DPP10: variants seen among roughly 807,000 people sequenced by gnomAD.
DPP10 encodes dipeptidyl peptidase like 10, also known as inactive dipeptidyl peptidase 10.
A neutral mutation model predicts 120.9 loss-of-function variants in DPP10; 33 were observed. The ratio of observed to expected loss-of-function variants is 0.27; its 90% confidence interval spans 0.21 to 0.37. DPP10 has a LOEUF of 0.37. Ranked by LOEUF, DPP10 falls within the 10% of genes least tolerant of loss-of-function variation. The pLI is 1.00. For missense variants in DPP10, 816 were observed against 942.8 expected (o/e 0.87, Z 1.76); for synonymous variants, 337 against 326.1 (o/e 1.03, Z -0.36).
chr2:115,811,365 A>G (rs779237731), intron 19 of DPP10, among the ~76,000 whole-genome samples: 5 of 152,214 alleles, frequency 3.3e-5, no homozygotes, highest in Non-Finnish European at 5.9e-5. Context: ...AAAGAGTGAA[A>G]TTGTAGTTTT....
At chr2:115,645,364 A>G (rs1051807571) in intron 5 of DPP10, among the ~76,000 whole-genome samples, 8 of 152,146 alleles carry the variant, frequency 5.3e-5, no homozygotes, top group Admixed American at 2.0e-4. Flanking sequence ...ACATCCCTGC[A>G]TGACTATGAT....
At chr2:115,290,842 A>G (rs1247759878) in intron 1 of DPP10, among the ~76,000 whole-genome samples, 1 of 152,184 alleles carries the variant, frequency 6.6e-6, no homozygotes, top group Non-Finnish European at 1.5e-5. Flanking sequence ...TATTTGGCCA[A>G]CAAAGAATAT....
chr2:115,002,793 A>G (rs1000255261), intron 1 of DPP10, among the ~76,000 whole-genome samples: 1 of 152,156 alleles, frequency 6.6e-6, no homozygotes, highest in African/African-American at 2.4e-5. Context: ...CAGAAATGCA[A>G]ATCAATACGA....
rs181158489 is a variant in DPP10 at position 115,807,845 on chromosome 2, T to C, written c.1701-6948T>C. ...TATGTTTGGGTTTTTTTTAATTCTT[T>C]AAAAACACGAAAAATTCTGATTGAG... On this transcript the variant is annotated intron_variant, in intron 19 of 25. Transcript: ENST00000410059. Among the ~76,000 whole-genome samples, 607 of 152,088 alleles carry C rather than the reference T, an allele frequency of 4.0e-3. 2 individuals are homozygous for C. Among genetic ancestry groups the C allele is most frequent in the Non-Finnish European group, 6.4e-3 (435 of 67,998 alleles).
chr2:115,375,357 C>T (rs1047559177), intron 3 of DPP10, among the ~76,000 whole-genome samples: 4 of 152,184 alleles, frequency 2.6e-5, no homozygotes, highest in African/African-American at 9.6e-5. Context: ...GCTCCAGTAA[C>T]CAGTAAGTTC....
chr2:115,390,904 G>C (rs1053888254), intron 3 of DPP10, among the ~76,000 whole-genome samples: 7 of 152,032 alleles, frequency 4.6e-5, no homozygotes, highest in Non-Finnish European at 8.8e-5. Context: ...CATCCTCACC[G>C]TCATCTTGTA....
chr2:115,140,980 C>T (rs1015946678), intron 1 of DPP10, among the ~76,000 whole-genome samples: 1 of 147,620 alleles, frequency 6.8e-6, no homozygotes, highest in African/African-American at 2.5e-5. Flanking sequence ...GGTAAGATTA[C>T]CAGATAGGCC....
intron 7 of DPP10, among the ~76,000 whole-genome samples, chr2:115,705,845 C>T (rs1162590465): frequency 6.6e-6 from 1 of 151,786 alleles, no homozygotes; most frequent in African/African-American, 2.4e-5. Context: ...TGTAGTATTG[C>T]CCCATATCTA....
intron 1 of DPP10, among the ~76,000 whole-genome samples, chr2:114,875,476 T>C (rs1691077663): frequency 6.6e-6 from 1 of 152,182 alleles, no homozygotes; most frequent in Non-Finnish European, 1.5e-5. Context: ...TAAATCTTAC[T>C]CTGCCTCCTG....
intron 1 of DPP10, among the ~76,000 whole-genome samples, chr2:115,153,098 G>A (rs1454790843): frequency 6.6e-6 from 1 of 152,152 alleles, no homozygotes; most frequent in African/African-American, 2.4e-5. Flanking sequence ...GAGTAAGCAT[G>A]CTTGTTTTTT....
chr2:115,224,499 A>C (rs1227149936), intron 1 of DPP10, among the ~76,000 whole-genome samples: 1 of 152,124 alleles, frequency 6.6e-6, no homozygotes, highest in Non-Finnish European at 1.5e-5. Flanking sequence ...AGTGAGTAGA[A>C]TGGTGGATAC....
At chr2:115,060,409 G>C (rs1024114) in intron 1 of DPP10, among the ~76,000 whole-genome samples, 2 of 151,412 alleles carry the variant, frequency 1.3e-5, no homozygotes, top group African/African-American at 2.4e-5. Flanking sequence ...CATGGACAAC[G>C]TGACAAAACC....
chr2:115,431,836 CTAAA>C (rs1464621557), intron 3 of DPP10, among the ~76,000 whole-genome samples: 1 of 152,058 alleles, frequency 6.6e-6, no homozygotes, highest in Non-Finnish European at 1.5e-5. Context: ...TTGCATCTGC[CTAAA>C]TAGTCATGTG....
chr2:115,610,729 C>T (rs941907587), intron 5 of DPP10, among the ~76,000 whole-genome samples: 1 of 152,118 alleles, frequency 6.6e-6, no homozygotes, highest in African/African-American at 2.4e-5. Flanking sequence ...AGTAACCTGA[C>T]AATAAGCTAT....
intron 1 of DPP10, among the ~76,000 whole-genome samples, chr2:114,959,100 C>T (rs2104701485): frequency 6.6e-6 from 1 of 152,080 alleles, no homozygotes; most frequent in African/African-American, 2.4e-5. Context: ...GCTCTGTCAC[C>T]CGGGCTGGAG....
chr2:115,758,976 T>A (rs996738954), intron 11 of DPP10, among the ~76,000 whole-genome samples: 2 of 152,156 alleles, frequency 1.3e-5, no homozygotes, highest in African/African-American at 4.8e-5. Context: ...CTGTCAGTGT[T>A]CTAGGGGAAA....
intron 1 of DPP10, among the ~76,000 whole-genome samples, chr2:114,511,045 A>G (rs80175329): frequency 0.023 from 3,475 of 152,324 alleles, 126 homozygotes; most frequent in African/African-American, 0.08. Context: ...GGCCTAGTGA[A>G]TGGTCTCTTC....
At chr2:115,015,052 AG>A (rs1702536590) in intron 1 of DPP10, among the ~76,000 whole-genome samples, 1 of 152,192 alleles carries the variant, frequency 6.6e-6, no homozygotes, top group Admixed American at 6.5e-5. Context: ...CAACAAAAAA[AG>A]AAAATTTCAG....
intron 12 of DPP10, among the ~76,000 whole-genome samples, chr2:115,766,310 G>GTGTGTGTGTATATATA (rs1371625141): frequency 8.6e-5 from 7 of 81,736 alleles, no homozygotes; most frequent in Admixed American, 1.3e-4. Flanking sequence ...GTGTGTGTGT[G>GTGTGTGTGTATATATA]TATATATATA....
Sources: gnomAD v4.1 joint callset for allele counts (sites outside exome capture counted in the v4.1 genomes callset) on GRCh38, gnomAD v4.1.1 for gene constraint, MANE v1.5 for transcripts, NCBI Gene and HGNC (gene_info 2026-07-23, HGNC 2026-07-21) for gene names.